CDH12: variants seen among roughly 807,000 people sequenced by gnomAD.
CDH12 encodes cadherin 12.
Under a neutral mutation model 74.1 loss-of-function variants are expected in CDH12, and 41 were observed. The ratio of observed to expected loss-of-function variants is 0.55; its 90% CI spans 0.43 to 0.72. CDH12 has a LOEUF of 0.72. Among genes scored for constraint, CDH12 ranks in the 30% least tolerant of loss-of-function variants. The probability of loss-of-function intolerance (pLI) is 0.00; values close to 1 mark genes in which losing one functional copy is unlikely to be tolerated. For synonymous variants in CDH12, 399 were observed against 355.0 expected (o/e 1.12, Z -1.39); for missense variants, 945 against 977.2 (o/e 0.97, Z 0.44).
chr5:22,315,107 G>A lies in CDH12; in HGVS notation c.-333+90150C>T, dbSNP rs375015421. ...GCCAGGACTACAGGCGCCTGCCACC[G>A]TGCCTGCCTGGCTTTTTTTTTTTTT... On this transcript the variant is annotated intron_variant, in intron 3 of 14. Coordinates refer to ENST00000382254, the MANE Select transcript of CDH12 (RefSeq NM_004061.5). Among the ~76,000 whole-genome samples the A allele has an allele frequency of 1.3e-3, 111 of 88,366 alleles. 6 individuals are homozygous for A. Among genetic ancestry groups the A allele is most frequent in the Middle Eastern group, 7.7e-3 (1 of 130 alleles). The allele number at this position is 88,366 out of a possible 152,430, so 58.0% of individuals were successfully genotyped here.
chr5:22,712,716 G>A (rs1489045965), intron 1 of CDH12, among the ~76,000 whole-genome samples: 3 of 152,058 alleles, frequency 2.0e-5, no homozygotes, highest in African/African-American at 7.2e-5. Context: ...TACAGATGGA[G>A]ATATTAAAAT....
intron 3 of CDH12, among the ~76,000 whole-genome samples, chr5:22,361,289 G>A (rs1740790109): frequency 6.6e-6 from 1 of 152,016 alleles, no homozygotes; most frequent in Non-Finnish European, 1.5e-5. Context: ...ACTAATAACA[G>A]ACAAACAGAG....
At chr5:22,822,481 C>T (rs1024172689) in intron 1 of CDH12, among the ~76,000 whole-genome samples, 15 of 152,118 alleles carry the variant, frequency 9.9e-5, no homozygotes, top group Non-Finnish European at 7.4e-5. Context: ...GCAACCTACT[C>T]ATCTGACAAA....
At chr5:22,703,618 G>T (rs1265302753) in intron 1 of CDH12, among the ~76,000 whole-genome samples, 2 of 152,040 alleles carry the variant, frequency 1.3e-5, no homozygotes, top group Non-Finnish European at 2.9e-5. Flanking sequence ...TAAGAAAAAT[G>T]TGGCAAAAAA....
intron 1 of CDH12, among the ~76,000 whole-genome samples, chr5:22,609,184 C>T (rs778767654): frequency 3.3e-5 from 5 of 152,136 alleles, no homozygotes; most frequent in Admixed American, 6.6e-5. Flanking sequence ...TCTTTAGAGT[C>T]TCATCTCAGT....
chr5:22,192,614 C>G (rs1336642769), intron 4 of CDH12, among the ~76,000 whole-genome samples: 1 of 151,244 alleles, frequency 6.6e-6, no homozygotes, highest in East Asian at 2.0e-4. Context: ...TGCACACAGG[C>G]TTATGCATGT....
At chr5:21,965,783 C>T (rs1403728247) in intron 6 of CDH12, among the ~76,000 whole-genome samples, 1 of 151,882 alleles carries the variant, frequency 6.6e-6, no homozygotes, top group African/African-American at 2.4e-5. Flanking sequence ...TTTCAGCATA[C>T]TTATATCACA....
In CDH12 at chr5:21,751,618, GTGTGTGTGTGTGTT is replaced by G. The variant is rs1744060217; in HGVS notation, c.*105_*118del. 2 of 700,248 alleles carry G rather than the reference GTGTGTGTGTGTGTT, an allele frequency of 2.9e-6. No homozygotes were observed. The highest frequency in any genetic ancestry group is 4.8e-6 in the Non-Finnish European group (2 of 417,248). 43.4% of individuals were successfully genotyped at this position (700,248 alleles called of 1,614,324 possible). A position where few individuals can be genotyped will look rare whatever the true frequency, so the allele number is the denominator to read the frequency against. ...AGGAATCTTGTCCCAGAGTGTGTGTGTGTGTGTGTGTGTTTGTGTGTGTGTGTGTGTGTGAGAGA... is the reference window on the plus strand; with the variant it reads ...AGGAATCTTGTCCCAGAGTGTGTGTGTGTGTGTGTGTGTGTGTGTGAGAGA... On this transcript the variant is annotated 3_prime_UTR_variant, in exon 15 of 15. Coordinates refer to ENST00000382254, the MANE Select transcript of CDH12 (RefSeq NM_004061.5).
intron 5 of CDH12, among the ~76,000 whole-genome samples, chr5:22,001,710 T>C (rs1736612590): frequency 6.6e-6 from 1 of 152,078 alleles, no homozygotes; most frequent in African/African-American, 2.4e-5. Context: ...ATACTGCATA[T>C]ACTTTTTGCT....
intron 4 of CDH12, among the ~76,000 whole-genome samples, chr5:22,193,656 A>G (rs1263051841): frequency 1.3e-5 from 2 of 151,652 alleles, no homozygotes; most frequent in Non-Finnish European, 2.9e-5. Flanking sequence ...TAGGTATACA[A>G]ATTTGGATAA....
At chr5:22,633,621 A>C (rs1312784896) in intron 1 of CDH12, among the ~76,000 whole-genome samples, 1 of 152,154 alleles carries the variant, frequency 6.6e-6, no homozygotes, top group African/African-American at 2.4e-5. Flanking sequence ...GAAAAGGTGG[A>C]GGAATGTTAA....
At chr5:22,690,087 T>A (rs959515156) in intron 1 of CDH12, among the ~76,000 whole-genome samples, 8 of 152,104 alleles carry the variant, frequency 5.3e-5, no homozygotes, top group Non-Finnish European at 1.0e-4. Context: ...TGCATGTGAC[T>A]TGAATTTTTT....
chr5:22,114,191 C>G (rs997347340), intron 4 of CDH12, among the ~76,000 whole-genome samples: 3 of 152,144 alleles, frequency 2.0e-5, no homozygotes, highest in Non-Finnish European at 2.9e-5. Context: ...ATTATCAGTT[C>G]CCCGCATTGA....
At chr5:22,811,090 CGTATATGTACATAT>C (rs1318265362) in intron 1 of CDH12, among the ~76,000 whole-genome samples, 3 of 151,094 alleles carry the variant, frequency 2.0e-5, no homozygotes, top group African/African-American at 4.9e-5. Flanking sequence ...TATATACACA[CGTATATGTACATAT>C]GTATATATAC....
intron 4 of CDH12, among the ~76,000 whole-genome samples, chr5:22,208,110 C>T (rs977372164): frequency 6.6e-6 from 1 of 151,946 alleles, no homozygotes; most frequent in African/African-American, 2.4e-5. Flanking sequence ...GGATTTGAAC[C>T]AGGTGGTTGA....
chr5:22,515,232 G>T (rs79337976), intron 1 of CDH12, among the ~76,000 whole-genome samples: 1 of 151,870 alleles, frequency 6.6e-6, no homozygotes, highest in Non-Finnish European at 1.5e-5. Context: ...TCATTGAATC[G>T]GATTTAAGTA....
At chr5:22,614,032 A>G (rs1737558154) in intron 1 of CDH12, among the ~76,000 whole-genome samples, 2 of 152,274 alleles carry the variant, frequency 1.3e-5, no homozygotes, top group Admixed American at 6.5e-5. Flanking sequence ...TGCTATGCAC[A>G]TATATCTCAT....
At chr5:22,683,805 T>C (rs1479942394) in intron 1 of CDH12, among the ~76,000 whole-genome samples, 2 of 152,232 alleles carry the variant, frequency 1.3e-5, no homozygotes, top group African/African-American at 4.8e-5. Flanking sequence ...GTTCCAACAT[T>C]GTCCATGCTG....
intron 1 of CDH12, among the ~76,000 whole-genome samples, chr5:22,612,609 CGTACT>C (rs1561528191): frequency 6.6e-6 from 1 of 151,948 alleles, no homozygotes; most frequent in Admixed American, 6.6e-5. Flanking sequence ...CTCCTCATTC[CGTACT>C]GTAAAGATAA....
Sources: allele counts gnomAD v4.1 joint callset (sites outside exome capture counted in the v4.1 genomes callset), GRCh38; gene constraint gnomAD v4.1.1; transcripts MANE v1.5; gene names NCBI Gene and HGNC (gene_info 2026-07-23, HGNC 2026-07-21).